The following VPS26A variants were observed in gnomAD, a reference collection of about 807,000 sequenced individuals.
VPS26A encodes the protein vacuolar protein sorting-associated protein 26A.
A neutral mutation model predicts 42.4 loss-of-function variants in VPS26A; 22 were observed. The ratio of observed to expected loss-of-function variants is 0.52; its 90% CI spans 0.37 to 0.74. The LOEUF is 0.74. Among genes scored for constraint, VPS26A ranks in the 30% least tolerant of loss-of-function variants. VPS26A has a pLI of 0.00. For missense variants in VPS26A, 276 were observed against 379.2 expected, an observed-to-expected ratio of 0.73 and a Z score of 2.26; for synonymous variants, 110 against 123.5, an observed-to-expected ratio of 0.89 and a Z score of 0.73.
At chr10:69,139,955 C>G (rs1841003210) in intron 2 of VPS26A, among the ~76,000 whole-genome samples, 1 of 151,934 alleles carries the variant, frequency 6.6e-6, no homozygotes. Context: ...TTTGATCTAT[C>G]TTGTCTGTAG....
intron 1 of VPS26A, among the ~76,000 whole-genome samples, chr10:69,126,377 T>C (rs1366287421): frequency 6.6e-6 from 1 of 151,964 alleles, no homozygotes; most frequent in African/African-American, 2.4e-5. Flanking sequence ...GAGGCGGAAG[T>C]TGCCTGACCA....
chr10:69,173,357 A>T lies in VPS26A; in HGVS notation c.*2088A>T, dbSNP rs934249051. ...TAAGCATTAAAAACAAAACAACCTC[A>T]AAAAAATACCTGTCATCTCAGCCAC... is the stretch of plus-strand genomic sequence containing the variant. On this transcript the variant is annotated 3_prime_UTR_variant, in exon 9 of 9. Transcript: ENST00000263559. Among the ~76,000 whole-genome samples, 8 of 152,096 alleles carry T rather than the reference A, an allele frequency of 5.3e-5. No individual in the cohort carries two copies. Among genetic ancestry groups the T allele is most frequent in the African/African-American group, 1.9e-4 (8 of 41,422 alleles).
At chr10:69,154,698 A>C (rs1841391770) in intron 2 of VPS26A, among the ~76,000 whole-genome samples, 1 of 152,090 alleles carries the variant, frequency 6.6e-6, no homozygotes, top group Admixed American at 6.5e-5. Context: ...CCTCATCTCT[A>C]CAAAAAAAAT....
intron 4 of VPS26A, among the ~76,000 whole-genome samples, chr10:69,157,583 A>C (rs1024560717): frequency 6.6e-6 from 1 of 152,194 alleles, no homozygotes; most frequent in African/African-American, 2.4e-5. Context: ...CTAAACTCTC[A>C]ATTCAGTGTC....
At chr10:69,160,916 G>A (rs1224910444) in intron 5 of VPS26A, among the ~76,000 whole-genome samples, 4 of 152,176 alleles carry the variant, frequency 2.6e-5, no homozygotes, top group Non-Finnish European at 4.4e-5. Flanking sequence ...CTCAACCTAT[G>A]TAGGTAGGTT....
intron 1 of VPS26A, among the ~76,000 whole-genome samples, chr10:69,128,886 C>T (rs2132182376): frequency 6.7e-6 from 1 of 149,624 alleles, no homozygotes; most frequent in East Asian, 2.0e-4. Context: ...GTCCCAGCTA[C>T]TTGGGAGGCT....
At chr10:69,154,301 C>T (rs1221955494) in intron 2 of VPS26A, among the ~76,000 whole-genome samples, 1 of 152,062 alleles carries the variant, frequency 6.6e-6, no homozygotes, top group East Asian at 1.9e-4. Flanking sequence ...CTTTGGGAGG[C>T]CGAGGTGGGT....
At chr10:69,165,272 A>G (rs1392159739) in intron 6 of VPS26A, among the ~76,000 whole-genome samples, 2 of 152,062 alleles carry the variant, frequency 1.3e-5, no homozygotes, top group Admixed American at 6.6e-5. Flanking sequence ...GCAACACTTT[A>G]TAAGAATTTA....
Position 69,171,213 on chromosome 10 carries a change from C to T in VPS26A, c.928C>T (p.His310Tyr), listed in dbSNP as rs1841806721. The T allele has an allele frequency of 6.2e-7, 1 of 1,613,770 alleles. No individual in the cohort carries two copies. Among genetic ancestry groups the T allele is most frequent in the Non-Finnish European group, 8.5e-7 (1 of 1,179,958 alleles). ...ACTGAGGAAACAGAGAACAAACTTT[C>T]ACCAGCGATTTGAATCTCCAGAATC... Reference protein sequence around the residue: ...EKLRKQRTNFHQRFESPESQA... With the variant: ...EKLRKQRTNFYQRFESPESQA... Residue 310 changes from histidine (H) to tyrosine (Y), a missense_variant, in exon 9 of 9, where the codon CAC becomes TAC. Physicochemically the swap from His to Tyr is moderately conservative, Grantham distance 83 (BLOSUM62 2). Transcript: ENST00000263559.
chr10:69,127,937 A>G (rs894726629), intron 1 of VPS26A, among the ~76,000 whole-genome samples: 4 of 151,704 alleles, frequency 2.6e-5, no homozygotes, highest in African/African-American at 7.3e-5. Flanking sequence ...GGCTCAAGTG[A>G]TCCTCCTGCT....
At chr10:69,155,940 G>T in intron 3 of VPS26A, 53 bp downstream of exon 3, 2 of 1,431,174 alleles carry the variant, frequency 1.4e-6, no homozygotes, top group Non-Finnish European at 9.6e-7. Flanking sequence ...AATTTGAAGA[G>T]GGTTGGATTT....
chr10:69,159,381 AAAAAAAAAAAC>A (rs780946419), intron 5 of VPS26A, among the ~76,000 whole-genome samples: 1 of 146,632 alleles, frequency 6.8e-6, no homozygotes, highest in East Asian at 2.0e-4. Flanking sequence ...ACTCCATCTC[AAAAAAAAAAAC>A]AAAAAAAAAA....
intron 1 of VPS26A, among the ~76,000 whole-genome samples, chr10:69,131,800 G>C (rs926895292): frequency 3.3e-5 from 5 of 152,296 alleles, no homozygotes; most frequent in Middle Eastern, 3.4e-3. Context: ...CATGATAGGA[G>C]ACTGTTCTCT....
At chr10:69,129,814 C>T (rs968833853) in intron 1 of VPS26A, among the ~76,000 whole-genome samples, 2 of 152,156 alleles carry the variant, frequency 1.3e-5, no homozygotes, top group Admixed American at 1.3e-4. Context: ...TGAGCTACCG[C>T]GCCTGGCCCA....
intron 2 of VPS26A, among the ~76,000 whole-genome samples, chr10:69,136,846 C>T (rs1308008256): frequency 1.3e-5 from 2 of 151,946 alleles, no homozygotes; most frequent in Non-Finnish European, 1.5e-5. Flanking sequence ...GGCTGGAGTG[C>T]GATGGCGTGA....
chr10:69,154,090 TC>T (rs906788158), intron 2 of VPS26A, among the ~76,000 whole-genome samples: 2 of 152,194 alleles, frequency 1.3e-5, no homozygotes, highest in Non-Finnish European at 1.5e-5. Context: ...GAGCCCTGAC[TC>T]CCATGCCAAG....
chr10:69,133,030 G>T lies in VPS26A; in HGVS notation c.136G>T (p.Glu46Ter). ...VEKHYLFYDG[E>*]SVSGKVNLAF... Reference sequence around the variant, plus strand: ...AAAACACTATCTCTTCTATGACGGAGAATCCGTTTCAGGAAAGGTAAATCT... The same window carrying T: ...AAAACACTATCTCTTCTATGACGGATAATCCGTTTCAGGAAAGGTAAATCT... Residue 46 changes from glutamate to a stop codon, truncating the protein, a stop_gained, in exon 2 of 9, where the codon GAA becomes TAA. Transcript: ENST00000263559. LOFTEE classifies it high-confidence loss of function. 1 of 1,603,992 alleles carries T rather than the reference G, an allele frequency of 6.2e-7. No homozygotes were observed. The highest frequency in any genetic ancestry group is 8.5e-7 in the Non-Finnish European group (1 of 1,177,780).
At chr10:69,165,539 C>T (rs901181593) in intron 6 of VPS26A, among the ~76,000 whole-genome samples, 3 of 152,034 alleles carry the variant, frequency 2.0e-5, no homozygotes, top group African/African-American at 4.8e-5. Flanking sequence ...CAGGTGCGGT[C>T]GCTCACCTGT....
chr10:69,165,283 T>C (rs1480063265), intron 6 of VPS26A, among the ~76,000 whole-genome samples: 1 of 152,144 alleles, frequency 6.6e-6, no homozygotes, highest in African/African-American at 2.4e-5. Context: ...TAAGAATTTA[T>C]AGTCAGTATT....
Sources: allele counts gnomAD v4.1 joint callset (sites outside exome capture counted in the v4.1 genomes callset), GRCh38; gene constraint gnomAD v4.1.1; transcripts MANE v1.5; gene names NCBI Gene and HGNC (gene_info 2026-07-23, HGNC 2026-07-21).